Variants in LRMDA observed in about 807,000 individuals in gnomAD.
LRMDA encodes leucine-rich melanocyte differentiation-associated protein.
Under a neutral mutation model 29.8 loss-of-function variants are expected in LRMDA, and 18 were observed. That is an observed-to-expected ratio of 0.60 (90% CI 0.42 to 0.90). The LOEUF (loss-of-function observed/expected upper bound fraction) is 0.90. Among genes scored for constraint, LRMDA ranks in the 40% least tolerant of loss-of-function variants. LRMDA has a pLI of 0.00. For missense variants in LRMDA, 273 were observed against 273.9 expected (o/e 1.00, Z 0.02); for synonymous variants, 125 against 109.4 (o/e 1.14, Z -0.89).
At chr10:76,216,620 A>G (rs1198609199) in intron 5 of LRMDA, among the ~76,000 whole-genome samples, 1 of 152,254 alleles carries the variant, frequency 6.6e-6, no homozygotes, top group Non-Finnish European at 1.5e-5. Context: ...GATATTTTTC[A>G]TAGACAAGAC....
chr10:75,917,046 C>T (rs1425995021), intron 2 of LRMDA, among the ~76,000 whole-genome samples: 7 of 152,138 alleles, frequency 4.6e-5, no homozygotes, highest in Admixed American at 2.6e-4. Flanking sequence ...GCTCTGGTTT[C>T]CATGGTATTT....
intron 5 of LRMDA, among the ~76,000 whole-genome samples, chr10:76,310,126 T>C (rs1353028888): frequency 3.3e-5 from 5 of 152,222 alleles, no homozygotes. Context: ...ACACCTTATC[T>C]ACAGCAATAA....
intron 4 of LRMDA, among the ~76,000 whole-genome samples, chr10:76,057,199 C>T (rs1300120328): frequency 1.3e-4 from 20 of 152,188 alleles, no homozygotes; most frequent in Non-Finnish European, 1.6e-4. Flanking sequence ...TTGCTCTGTG[C>T]TCCCATAACC....
chr10:75,661,567 A>G (rs1841753576), intron 2 of LRMDA, among the ~76,000 whole-genome samples: 1 of 152,184 alleles, frequency 6.6e-6, no homozygotes, highest in Non-Finnish European at 1.5e-5. Flanking sequence ...CCAAGCCTGG[A>G]GATGTGATAA....
At chr10:76,385,988 T>C (rs1841654957) in intron 6 of LRMDA, among the ~76,000 whole-genome samples, 1 of 152,308 alleles carries the variant, frequency 6.6e-6, no homozygotes, top group Non-Finnish European at 1.5e-5. Flanking sequence ...AGCAATATAA[T>C]GATATAACTT....
chr10:76,018,743 T>G (rs1847920913), intron 2 of LRMDA, among the ~76,000 whole-genome samples: 1 of 152,056 alleles, frequency 6.6e-6, no homozygotes, highest in African/African-American at 2.4e-5. Context: ...GATTTTTGTA[T>G]TTTTAGTAGA....
At chr10:75,861,780 T>C (rs1242762821) in intron 2 of LRMDA, among the ~76,000 whole-genome samples, 1 of 152,206 alleles carries the variant, frequency 6.6e-6, no homozygotes, top group Admixed American at 6.5e-5. Flanking sequence ...CTTTTATATC[T>C]AGTTCCCTTT....
At chr10:76,408,604 G>A (rs1213493190) in intron 6 of LRMDA, among the ~76,000 whole-genome samples, 1 of 152,198 alleles carries the variant, frequency 6.6e-6, no homozygotes, top group African/African-American at 2.4e-5. Flanking sequence ...CTAAATAAGA[G>A]CTGTAATGTT....
intron 6 of LRMDA, among the ~76,000 whole-genome samples, chr10:76,529,851 G>A (rs75691404): frequency 0.015 from 2,251 of 152,234 alleles, 19 homozygotes; most frequent in African/African-American, 0.036. Context: ...AATTTCTGAA[G>A]CTACCTCCTG....
chr10:75,596,635 A>G (rs1383745792), intron 2 of LRMDA, among the ~76,000 whole-genome samples: 4 of 152,188 alleles, frequency 2.6e-5, no homozygotes, highest in African/African-American at 9.7e-5. Context: ...TCATCAGCTC[A>G]GGGTAATTAG....
chr10:75,465,273 G>T (rs1844634637), intron 2 of LRMDA, among the ~76,000 whole-genome samples: 1 of 152,200 alleles, frequency 6.6e-6, no homozygotes, highest in Admixed American at 6.5e-5. Context: ...GCTTTCTGTG[G>T]AGGTACATTA....
chr10:75,564,521 G>A (rs780397832), intron 2 of LRMDA, among the ~76,000 whole-genome samples: 103 of 152,198 alleles, frequency 6.8e-4, no homozygotes, highest in Non-Finnish European at 1.1e-3. Context: ...TTCAGCGCGC[G>A]CATGGTGCGC....
chr10:75,598,686 G>A lies in LRMDA; in HGVS notation c.131+160192G>A, dbSNP rs146763971. On this transcript the variant is annotated intron_variant, in intron 2 of 6. Transcript: ENST00000611255. ...TGCTTGCCTCGCGTACGACTCCTGC[G>A]AGGCTTCATATGTAACTCCTTTCGT... Among the ~76,000 whole-genome samples, 63 of 152,242 alleles carry A rather than the reference G, an allele frequency of 4.1e-4. No homozygotes were observed. In the East Asian group the frequency reaches 7.3e-3, roughly 18 times the overall value.
intron 4 of LRMDA, among the ~76,000 whole-genome samples, chr10:76,049,349 T>C (rs1015644741): frequency 6.6e-6 from 1 of 152,052 alleles, no homozygotes; most frequent in Admixed American, 6.5e-5. Flanking sequence ...ACTTAGAAAA[T>C]TTACATCATC....
Position 75,858,057 on chromosome 10 carries a change from C to T in LRMDA, c.132-177951C>T, listed in dbSNP as rs548322179. Among the ~76,000 whole-genome samples, 6 of 152,266 alleles carry T rather than the reference C, an allele frequency of 3.9e-5. No homozygotes were observed. In the South Asian group the frequency reaches 6.2e-4, roughly 16 times the overall value. On this transcript the variant is annotated intron_variant, in intron 2 of 6. Coordinates refer to ENST00000611255, the MANE Select transcript of LRMDA (RefSeq NM_001305581.2). ...CTCAAAGTCTATGGAAGAAGGGTCCCGAGTGCAGGTGGCCAGGCCTGGTTG... is the reference window on the plus strand; with the variant it reads ...CTCAAAGTCTATGGAAGAAGGGTCCTGAGTGCAGGTGGCCAGGCCTGGTTG...
At chr10:75,532,323 A>G (rs1845486636) in intron 2 of LRMDA, among the ~76,000 whole-genome samples, 1 of 152,028 alleles carries the variant, frequency 6.6e-6, no homozygotes, top group Admixed American at 6.5e-5. Context: ...CTCAGTTTCC[A>G]TGTTTTTCTT....
chr10:75,537,150 T>G (rs1004673491), intron 2 of LRMDA, among the ~76,000 whole-genome samples: 3 of 152,136 alleles, frequency 2.0e-5, no homozygotes, highest in African/African-American at 7.2e-5. Flanking sequence ...AGAGCTTTCT[T>G]TTTACTTTGT....
At chr10:76,182,585 G>A (rs1200623973) in intron 5 of LRMDA, among the ~76,000 whole-genome samples, 1 of 152,124 alleles carries the variant, frequency 6.6e-6, no homozygotes, top group East Asian at 1.9e-4. Context: ...TTGTCCCATG[G>A]AAAATCCTGA....
At position 76,113,475 on chromosome 10, in the gene LRMDA, G is replaced by GA. The variant is rs568339242; in HGVS notation, c.516+54698dup. 2.2e-3 allele frequency among the ~76,000 whole-genome samples: 330 copies of GA among 152,116 alleles called. 2 individuals carry two copies. Among genetic ancestry groups the GA allele is most frequent in the African/African-American group, 7.2e-3 (298 of 41,502 alleles). On this transcript the variant is annotated intron_variant, in intron 5 of 6. Transcript: ENST00000611255. ...AGTGAGAGGAAAGAAGATGAGGGGG[G>GA]AAAAAACCAACCTGAGAGTGGTTTA...
Sources: gnomAD v4.1 joint callset for allele counts (sites outside exome capture counted in the v4.1 genomes callset) on GRCh38, gnomAD v4.1.1 for gene constraint, MANE v1.5 for transcripts, NCBI Gene and HGNC (gene_info 2026-07-23, HGNC 2026-07-21) for gene names.